The following ESRRG variants were observed in gnomAD, a reference collection of about 807,000 sequenced individuals.
ESRRG encodes estrogen related receptor gamma.
ESRRG carries 13 observed loss-of-function variants against 44.0 expected under a neutral mutation model. The ratio of observed to expected loss-of-function variants is 0.30; its 90% CI spans 0.19 to 0.47. The LOEUF (loss-of-function observed/expected upper bound fraction) is 0.47. ESRRG is among the 20% of genes least tolerant of loss of function. The pLI is 1.00. For synonymous variants in ESRRG, 215 were observed against 214.6 expected (o/e 1.00, Z -0.02); for missense variants, 395 against 580.6 (o/e 0.68, Z 3.29).
rs1247276147 is a variant in ESRRG at position 216,677,505 on chromosome 1, G to A, written c.57-14C>T. The A allele has an allele frequency of 2.5e-6, 4 of 1,575,340 alleles. No homozygotes were observed. The African/African-American group carries it at 4.1e-5, about 16-fold the overall frequency. On this transcript the variant is annotated splice_polypyrimidine_tract_variant and intron_variant, in intron 1 of 6. Coordinates refer to ENST00000408911, the MANE Select transcript of ESRRG (RefSeq NM_001438.4). ...CTGCAGAGAAGCCTGAGATTGAGGA[G>A]ATACAAAGAGAGACAGAAAGAGGAG...
Position 216,629,115 on chromosome 1 carries a change from C to A in ESRRG, c.589+21858G>T, listed in dbSNP as rs149149033. Among the ~76,000 whole-genome samples, 10 of 152,272 alleles carry A rather than the reference C, an allele frequency of 6.6e-5. No homozygotes were observed. The East Asian group carries it at 1.9e-3, about 29-fold the overall frequency. ...TGCCACTTTGTCCTATACCCCACAG[C>A]CAGTTATATGGCAAACTCTTCAAAC... On this transcript the variant is annotated intron_variant, in intron 3 of 6. Transcript: ENST00000408911.
intron 2 of ESRRG, among the ~76,000 whole-genome samples, chr1:216,875,651 C>A (rs1449090514): frequency 2.0e-5 from 3 of 151,770 alleles, no homozygotes; most frequent in Admixed American, 2.0e-4. Context: ...TATTTATATT[C>A]ATTTATTACT....
intron 5 of ESRRG, among the ~76,000 whole-genome samples, chr1:216,554,801 C>G (rs2057180655): frequency 6.6e-6 from 1 of 151,920 alleles, no homozygotes; most frequent in African/African-American, 2.4e-5. Flanking sequence ...CTATGTGGAC[C>G]CTTACTGTGA....
intron 2 of ESRRG, among the ~76,000 whole-genome samples, chr1:216,914,921 TCA>T (rs778635322): frequency 1.3e-5 from 2 of 152,226 alleles, no homozygotes; most frequent in African/African-American, 2.4e-5. Flanking sequence ...GAAAAAATGT[TCA>T]CAGCACAGGA....
At chr1:217,124,550 C>T (rs1232742380) in intron 1 of ESRRG, among the ~76,000 whole-genome samples, 2 of 152,150 alleles carry the variant, frequency 1.3e-5, no homozygotes, top group African/African-American at 4.8e-5. Context: ...GGTGATGTGG[C>T]AGTTTTCTGG....
chr1:217,103,072 G>T (rs534983867), intron 1 of ESRRG, among the ~76,000 whole-genome samples: 75 of 152,312 alleles, frequency 4.9e-4, no homozygotes, highest in Non-Finnish European at 8.7e-4. Flanking sequence ...TGTGTCAAAG[G>T]GGTTTAGGTA....
intron 1 of ESRRG, among the ~76,000 whole-genome samples, chr1:217,019,961 C>G (rs2080038745): frequency 6.6e-6 from 1 of 152,104 alleles, no homozygotes; most frequent in African/African-American, 2.4e-5. Context: ...GGGCATGGTA[C>G]TTTTTTACCT....
chr1:216,944,970 T>G lies in ESRRG; in HGVS notation c.-105-5297A>C, dbSNP rs541912220. Reference sequence around the variant, plus strand: ...GAGGGACAAGCTCTAAGCCCAGGTTTTTCATAATTCCAACAAACCGTCTCC... The same window carrying G: ...GAGGGACAAGCTCTAAGCCCAGGTTGTTCATAATTCCAACAAACCGTCTCC... On this transcript the variant is annotated intron_variant, in intron 1 of 7. Coordinates refer to the ESRRG transcript ENST00000359162. Among the ~76,000 whole-genome samples the G allele has an allele frequency of 1.3e-4, 20 of 152,274 alleles. 1 individual carries two copies. The South Asian group carries it at 4.1e-3, about 32-fold the overall frequency.
At chr1:217,126,434 G>T (rs1294380657) in intron 1 of ESRRG, among the ~76,000 whole-genome samples, 1 of 152,126 alleles carries the variant, frequency 6.6e-6, no homozygotes, top group East Asian at 1.9e-4. Flanking sequence ...TAGATAAAAT[G>T]CCTGAACCAA....
intron 1 of ESRRG, among the ~76,000 whole-genome samples, chr1:217,044,735 A>C (rs1014434459): frequency 6.6e-6 from 1 of 152,228 alleles, no homozygotes; most frequent in African/African-American, 2.4e-5. Flanking sequence ...CTTCCTGCCG[A>C]AAGCTTCAGC....
chr1:216,631,121 T>C (rs963812162), intron 3 of ESRRG, among the ~76,000 whole-genome samples: 1 of 151,996 alleles, frequency 6.6e-6, no homozygotes, highest in Admixed American at 6.6e-5. Context: ...TTCTATCACA[T>C]TAAAAACGGG....
At chr1:216,704,723 G>T (rs772866447) in intron 1 of ESRRG, among the ~76,000 whole-genome samples, 1 of 151,784 alleles carries the variant, frequency 6.6e-6, no homozygotes, top group African/African-American at 2.4e-5. Flanking sequence ...TTATCCACAC[G>T]TATATGTCTA....
upstream of ESRRG, among the ~76,000 whole-genome samples, chr1:217,091,243 CCTA>C (rs1390829725): frequency 6.6e-6 from 1 of 152,120 alleles, no homozygotes; most frequent in Non-Finnish European, 1.5e-5. Context: ...AGTCACTGTT[CCTA>C]CTAATTCCAA....
chr1:216,898,427 G>C (rs2058674474), intron 2 of ESRRG, among the ~76,000 whole-genome samples: 1 of 152,072 alleles, frequency 6.6e-6, no homozygotes, highest in African/African-American at 2.4e-5. Context: ...AGACCAGCCT[G>C]GCCAACATGG....
At chr1:216,900,060 C>T (rs1449924333) in intron 2 of ESRRG, among the ~76,000 whole-genome samples, 1 of 152,140 alleles carries the variant, frequency 6.6e-6, no homozygotes, top group South Asian at 2.1e-4. Flanking sequence ...TTTGTCGTCT[C>T]TATATGCTAT....
chr1:216,662,757 G>C (rs1354500267), intron 2 of ESRRG, among the ~76,000 whole-genome samples: 2 of 152,062 alleles, frequency 1.3e-5, no homozygotes, highest in African/African-American at 4.8e-5. Context: ...TTTTGAAAGG[G>C]CCAGATTGTA....
At chr1:217,019,002 T>G (rs1209029871) in intron 1 of ESRRG, among the ~76,000 whole-genome samples, 1 of 152,196 alleles carries the variant, frequency 6.6e-6, no homozygotes. Flanking sequence ...ATAAAAGTGC[T>G]TCCTATAACT....
intron 1 of ESRRG, among the ~76,000 whole-genome samples, chr1:217,113,221 C>CTAA (rs1273015173): frequency 6.6e-6 from 1 of 152,084 alleles, no homozygotes; most frequent in Non-Finnish European, 1.5e-5. Context: ...AAAGGTGGAA[C>CTAA]TAATATATGA....
intron 1 of ESRRG, among the ~76,000 whole-genome samples, chr1:217,010,281 G>C (rs1173950376): frequency 6.6e-6 from 1 of 152,134 alleles, no homozygotes; most frequent in Non-Finnish European, 1.5e-5. Context: ...GCAAAAGAGA[G>C]CCAATTTCTG....
Sources: gnomAD v4.1 joint callset for allele counts (sites outside exome capture counted in the v4.1 genomes callset) on GRCh38, gnomAD v4.1.1 for gene constraint, MANE v1.5 for transcripts, NCBI Gene and HGNC (gene_info 2026-07-23, HGNC 2026-07-21) for gene names.